Variants in SLC2A13 observed in about 807,000 individuals in gnomAD.
SLC2A13 encodes the protein solute carrier family 2 member 13.
SLC2A13 carries 32 observed loss-of-function variants against 64.4 expected under a neutral mutation model. The ratio of observed to expected loss-of-function variants is 0.50; its 90% confidence interval spans 0.37 to 0.67. The LOEUF (loss-of-function observed/expected upper bound fraction) is 0.67. Among genes scored for constraint, SLC2A13 ranks in the 30% least tolerant of loss-of-function variants. SLC2A13 has a pLI of 0.00. For missense variants in SLC2A13, 743 were observed against 829.2 expected (o/e 0.90, Z 1.28); for synonymous variants, 338 against 327.1 (o/e 1.03, Z -0.36).
rs191651714 is a variant in SLC2A13 at position 39,766,952 on chromosome 12, G to T, written c.1446-2094C>A. Among the ~76,000 whole-genome samples, 37 of 152,108 alleles carry T rather than the reference G, an allele frequency of 2.4e-4. No individual in the cohort carries two copies. The East Asian group carries it at 6.8e-3, about 28-fold the overall frequency. ...CAGCCCTTTAAAGTCATCCATAAAG[G>T]TTGGAACAACTTCTTGCAAACTTCC... On this transcript the variant is annotated intron_variant, in intron 7 of 9. Transcript: ENST00000280871.
intron 7 of SLC2A13, among the ~76,000 whole-genome samples, chr12:39,812,337 TTTTTCTTTTCTTTTCTTTTC>T (rs151097142): frequency 0.018 from 2,437 of 135,238 alleles, 53 homozygotes; most frequent in East Asian, 0.056. Context: ...ACTAATTTCT[TTTTTCTTTTCTTTTCTTTTC>T]TTTTCTTTTC....
intron 7 of SLC2A13, among the ~76,000 whole-genome samples, chr12:39,804,114 T>C (rs1941894135): frequency 6.6e-6 from 1 of 152,082 alleles, no homozygotes; most frequent in South Asian, 2.1e-4. Context: ...GGCAGTTGGT[T>C]AGAGTGGTGG....
chr12:39,829,743 A>G lies in SLC2A13; in HGVS notation c.1445+360T>C, dbSNP rs1017350582. ...TGATAGTAATTCATTTTGACTTTAC[A>G]GTTTTCTTTCATTTAAAAGCTTGGG... On this transcript the variant is annotated intron_variant, in intron 7 of 9. Coordinates refer to ENST00000280871, the MANE Select transcript of SLC2A13 (RefSeq NM_052885.4). The G allele has an allele frequency of 5.9e-5, 15 of 256,392 alleles. No homozygotes were observed. The Admixed American group carries it at 6.8e-4, about 12-fold the overall frequency. 15.9% of individuals were successfully genotyped at this position (256,392 alleles called of 1,614,324 possible).
At chr12:39,892,923 A>C (rs545482169) in intron 4 of SLC2A13, among the ~76,000 whole-genome samples, 1 of 152,334 alleles carries the variant, frequency 6.6e-6, no homozygotes, top group Admixed American at 6.5e-5. Flanking sequence ...CAAAGAAAAA[A>C]AGCAAATCCT....
At chr12:39,979,426 A>C (rs1946842278) in intron 3 of SLC2A13, among the ~76,000 whole-genome samples, 1 of 139,842 alleles carries the variant, frequency 7.2e-6, no homozygotes, top group South Asian at 2.4e-4. Flanking sequence ...AAACTTTGAA[A>C]AAAATTTATA....
At chr12:39,922,094 T>G (rs1039500214) in intron 4 of SLC2A13, among the ~76,000 whole-genome samples, 2 of 152,154 alleles carry the variant, frequency 1.3e-5, no homozygotes, top group African/African-American at 4.8e-5. Flanking sequence ...TCGTAGAGCC[T>G]ACACTGCTAG....
chr12:39,774,488 T>A (rs1214184308), intron 7 of SLC2A13, among the ~76,000 whole-genome samples: 2 of 152,102 alleles, frequency 1.3e-5, no homozygotes, highest in African/African-American at 4.8e-5. Context: ...AACATCTCTG[T>A]GATTTTGAAT....
intron 1 of SLC2A13, among the ~76,000 whole-genome samples, chr12:40,092,196 C>T (rs1938792505): frequency 6.6e-6 from 1 of 152,104 alleles, no homozygotes; most frequent in African/African-American, 2.4e-5. Context: ...AACAGTAAAC[C>T]AGGAAATGTG....
At chr12:39,913,898 A>G (rs1429680564) in intron 4 of SLC2A13, among the ~76,000 whole-genome samples, 5 of 152,072 alleles carry the variant, frequency 3.3e-5, no homozygotes. Flanking sequence ...ACTTTATCCA[A>G]TAAATCTTAC....
intron 7 of SLC2A13, among the ~76,000 whole-genome samples, chr12:39,780,778 C>G (rs182770800): frequency 1.3e-5 from 2 of 152,024 alleles, no homozygotes; most frequent in South Asian, 2.1e-4. Context: ...AATACATACA[C>G]GAAAACATGG....
intron 5 of SLC2A13, among the ~76,000 whole-genome samples, 153 bp from the exon 6 acceptor site, chr12:39,865,035 T>C (rs957809357): frequency 1.3e-5 from 2 of 152,206 alleles, no homozygotes; most frequent in African/African-American, 4.8e-5. Flanking sequence ...TTTTAAAAAG[T>C]ACTCCCAATG....
chr12:39,792,287 G>A (rs970990441), intron 7 of SLC2A13, among the ~76,000 whole-genome samples: 3 of 148,450 alleles, frequency 2.0e-5, no homozygotes, highest in Non-Finnish European at 4.5e-5. Flanking sequence ...AGAAAACCTA[G>A]GCATTACCAT....
chr12:39,921,026 C>T (rs2136055514), intron 4 of SLC2A13, among the ~76,000 whole-genome samples: 1 of 152,112 alleles, frequency 6.6e-6, no homozygotes, highest in East Asian at 1.9e-4. Context: ...ATACAGAAAA[C>T]CACAAGCCCA....
intron 3 of SLC2A13, 46 bp from the exon 4 acceptor site, chr12:39,951,411 GCT>G (rs1214046250): frequency 2.8e-5 from 41 of 1,462,136 alleles, no homozygotes; most frequent in Non-Finnish European, 3.5e-5. Flanking sequence ...ATTATTTTTA[GCT>G]CTCATAGTAA....
At chr12:40,085,783 G>A (rs1300277287) in intron 1 of SLC2A13, among the ~76,000 whole-genome samples, 4 of 152,104 alleles carry the variant, frequency 2.6e-5, no homozygotes, top group Non-Finnish European at 5.9e-5. Context: ...CAAGCATTAA[G>A]TGACTTATCT....
intron 1 of SLC2A13, among the ~76,000 whole-genome samples, chr12:40,091,904 T>A (rs1053459641): frequency 2.6e-5 from 4 of 152,220 alleles, no homozygotes. Flanking sequence ...GGAATTACGT[T>A]TAACTTTTAA....
intron 7 of SLC2A13, among the ~76,000 whole-genome samples, chr12:39,782,277 A>G (rs906485264): frequency 6.6e-6 from 1 of 152,168 alleles, no homozygotes; most frequent in Admixed American, 6.5e-5. Context: ...CTCAATTTGA[A>G]TTGTATCTCT....
At chr12:40,088,019 T>C (rs971754142) in intron 1 of SLC2A13, among the ~76,000 whole-genome samples, 1 of 152,244 alleles carries the variant, frequency 6.6e-6, no homozygotes, top group African/African-American at 2.4e-5. Flanking sequence ...AGATAACATT[T>C]ACTGTATACT....
chr12:39,917,140 A>T (rs546266253), intron 4 of SLC2A13, among the ~76,000 whole-genome samples: 1 of 152,232 alleles, frequency 6.6e-6, no homozygotes, highest in South Asian at 2.1e-4. Flanking sequence ...AACAAATCTA[A>T]AATTCAAATT....
Sources: gnomAD v4.1 joint callset for allele counts (sites outside exome capture counted in the v4.1 genomes callset) on GRCh38, gnomAD v4.1.1 for gene constraint, MANE v1.5 for transcripts, NCBI Gene and HGNC (gene_info 2026-07-23, HGNC 2026-07-21) for gene names.